RBPMS: variants seen among roughly 807,000 people sequenced by gnomAD.
The protein encoded by RBPMS is RNA binding protein, mRNA processing factor, also known as RNA-binding protein with multiple splicing.
RBPMS carries 7 observed loss-of-function variants against 26.8 expected under a neutral mutation model. The ratio of observed to expected loss-of-function variants is 0.26; its 90% confidence interval spans 0.15 to 0.49. The LOEUF (loss-of-function observed/expected upper bound fraction) is 0.49. Among genes scored for constraint, RBPMS ranks in the 20% least tolerant of loss-of-function variants. The pLI, the probability that RBPMS is intolerant of heterozygous loss-of-function variation, is 0.98. For synonymous variants in RBPMS, 96 were observed against 93.3 expected, an observed-to-expected ratio of 1.03 and a Z score of -0.17; for missense variants, 186 against 250.0, an observed-to-expected ratio of 0.74 and a Z score of 1.73.
chr8:30,522,689 T>C (rs970630849), intron 5 of RBPMS, among the ~76,000 whole-genome samples: 1 of 152,216 alleles, frequency 6.6e-6, no homozygotes, highest in Admixed American at 6.5e-5. Flanking sequence ...TATATACTTA[T>C]CTCCAAACTC....
At chr8:30,444,141 C>G (rs924577187) in intron 1 of RBPMS, among the ~76,000 whole-genome samples, 1 of 152,136 alleles carries the variant, frequency 6.6e-6, no homozygotes, top group Non-Finnish European at 1.5e-5. Flanking sequence ...AGTGATCCTC[C>G]GGCCTTGGCC....
chr8:30,549,698 T>TA (rs1309473521), intron 6 of RBPMS: 1 of 727,082 alleles, frequency 1.4e-6, no homozygotes, highest in African/African-American at 1.8e-5. Flanking sequence ...TGGGTCTCCT[T>TA]TCCTTTCCCA....
chr8:30,410,237 C>T (rs1305916881), intron 1 of RBPMS, among the ~76,000 whole-genome samples: 8 of 151,860 alleles, frequency 5.3e-5, no homozygotes, highest in Middle Eastern at 3.2e-3. Flanking sequence ...GACGGAGTCT[C>T]GCTCTGTTGC....
intron 1 of RBPMS, among the ~76,000 whole-genome samples, chr8:30,466,210 A>G (rs1816475617): frequency 6.6e-6 from 1 of 152,170 alleles, no homozygotes; most frequent in Non-Finnish European, 1.5e-5. Flanking sequence ...ATAATTATTA[A>G]TATATGGATG....
chr8:30,569,963 C>T (rs184408787), intron 8 of RBPMS, among the ~76,000 whole-genome samples: 2 of 152,210 alleles, frequency 1.3e-5, no homozygotes, highest in African/African-American at 4.8e-5. Context: ...GAAAGCTCTG[C>T]CTGGCTTGCC....
chr8:30,465,151 G>A (rs1816356804), intron 1 of RBPMS, among the ~76,000 whole-genome samples: 1 of 152,130 alleles, frequency 6.6e-6, no homozygotes, highest in Admixed American at 6.5e-5. Context: ...ACTTCTTGTT[G>A]AACTCTAAGG....
intron 1 of RBPMS, among the ~76,000 whole-genome samples, chr8:30,437,351 C>CT (rs1479649371): frequency 6.6e-6 from 1 of 151,920 alleles, no homozygotes; most frequent in Admixed American, 6.6e-5. Context: ...TCTTTGAAGG[C>CT]TTTTTTAAAA....
At chr8:30,435,689 G>T (rs1812377310) in intron 1 of RBPMS, among the ~76,000 whole-genome samples, 1 of 152,200 alleles carries the variant, frequency 6.6e-6, no homozygotes, top group Non-Finnish European at 1.5e-5. Context: ...AGCCTATGTG[G>T]GGGTGGATGG....
chr8:30,484,517 A>C (rs1818590398), intron 4 of RBPMS, among the ~76,000 whole-genome samples: 1 of 152,230 alleles, frequency 6.6e-6, no homozygotes, highest in African/African-American at 2.4e-5. Context: ...AGAGTTGAAA[A>C]GCAGTTTTGT....
chr8:30,550,231 A>G (rs1334849762), intron 6 of RBPMS, among the ~76,000 whole-genome samples: 3 of 152,302 alleles, frequency 2.0e-5, no homozygotes, highest in East Asian at 1.9e-4. Context: ...TTCTAAGCTC[A>G]TGGCAAGAAA....
chr8:30,545,156 AT>A, intron 6 of RBPMS: 1 of 1,305,564 alleles, frequency 7.7e-7, no homozygotes, highest in South Asian at 1.2e-5. Flanking sequence ...CCTTCTCTCC[AT>A]TTTCAGGAAA....
intron 1 of RBPMS, among the ~76,000 whole-genome samples, chr8:30,455,168 G>A (rs1226656346): frequency 1.3e-5 from 2 of 152,146 alleles, no homozygotes; most frequent in Non-Finnish European, 2.9e-5. Context: ...TTAAATTCTT[G>A]CTTATGATGG....
chr8:30,543,773 A>G (rs1224040435), intron 5 of RBPMS, among the ~76,000 whole-genome samples: 1 of 152,196 alleles, frequency 6.6e-6, no homozygotes, highest in Non-Finnish European at 1.5e-5. Context: ...TGCCTGAGGA[A>G]CACTTAGACC....
At chr8:30,391,724 C>T (rs886694691) in intron 1 of RBPMS, among the ~76,000 whole-genome samples, 5 of 151,866 alleles carry the variant, frequency 3.3e-5, no homozygotes, top group East Asian at 1.9e-4. Context: ...CTATGTTTGG[C>T]GGTGGAGGTG....
chr8:30,494,814 C>G (rs986157454), intron 4 of RBPMS, among the ~76,000 whole-genome samples: 1 of 152,188 alleles, frequency 6.6e-6, no homozygotes, highest in Non-Finnish European at 1.5e-5. Flanking sequence ...TCTAATCCTT[C>G]TAGGTTCGGG....
chr8:30,459,044 A>G (rs1023993521), intron 1 of RBPMS, among the ~76,000 whole-genome samples: 3 of 151,122 alleles, frequency 2.0e-5, no homozygotes, highest in Non-Finnish European at 4.4e-5. Context: ...GCTCACTGCA[A>G]CCGCCACCTC....
At chr8:30,485,649 G>A (rs987625661) in intron 4 of RBPMS, among the ~76,000 whole-genome samples, 3 of 152,278 alleles carry the variant, frequency 2.0e-5, no homozygotes, top group Non-Finnish European at 2.9e-5. Context: ...TCTCAACTAT[G>A]TGCATGCACT....
At chr8:30,409,035 T>C (rs1808980233) in intron 1 of RBPMS, among the ~76,000 whole-genome samples, 1 of 152,134 alleles carries the variant, frequency 6.6e-6, no homozygotes, top group Admixed American at 6.5e-5. Context: ...ACCTTTCCCA[T>C]TGTTTGAATG....
intron 1 of RBPMS, among the ~76,000 whole-genome samples, chr8:30,411,534 A>G (rs1436620985): frequency 6.6e-6 from 1 of 151,968 alleles, no homozygotes; most frequent in East Asian, 1.9e-4. Context: ...GCATCGTGGC[A>G]TGTGCCTATA....
Sources: gnomAD v4.1 joint callset for allele counts (sites outside exome capture counted in the v4.1 genomes callset) on GRCh38, gnomAD v4.1.1 for gene constraint, MANE v1.5 for transcripts, NCBI Gene and HGNC (gene_info 2026-07-23, HGNC 2026-07-21) for gene names.